RNF212B: variants seen among roughly 807,000 people sequenced by gnomAD.
RNF212B encodes E3 ubiquitin-protein ligase RNF212B.
RNF212B carries 52 observed loss-of-function variants against 55.5 expected under a neutral mutation model. The ratio of observed to expected loss-of-function variants is 0.94; its 90% CI spans 0.75 to 1.18. RNF212B has a LOEUF of 1.18. RNF212B is among the 50% of genes most tolerant of loss of function. The probability of loss-of-function intolerance (pLI) is 0.00; values close to 1 mark genes in which losing one functional copy is unlikely to be tolerated. For synonymous variants in RNF212B, 99 were observed against 121.4 expected (o/e 0.82, Z 1.21); for missense variants, 289 against 350.4 (o/e 0.82, Z 1.40).
intron 2 of RNF212B, among the ~76,000 whole-genome samples, chr14:23,226,866 C>A (rs974657457): frequency 7.2e-6 from 1 of 138,524 alleles, no homozygotes; most frequent in Non-Finnish European, 1.5e-5. Flanking sequence ...TGGTCTTGAA[C>A]TCCTGAGCTC....
intron 2 of RNF212B, among the ~76,000 whole-genome samples, chr14:23,227,327 A>G (rs1882126336): frequency 6.6e-6 from 1 of 152,174 alleles, no homozygotes; most frequent in East Asian, 1.9e-4. Flanking sequence ...ATTTTAAAAC[A>G]AAAAGTTACA....
At position 23,227,158 on chromosome 14, in the gene RNF212B, G is replaced by A. The variant is rs117991348; in HGVS notation, c.-1-13187G>A. Among the ~76,000 whole-genome samples the A allele has an allele frequency of 4.1e-3, 626 of 151,954 alleles. 5 individuals carry two copies. Among genetic ancestry groups the A allele is most frequent in the Non-Finnish European group, 6.4e-3 (438 of 67,984 alleles). On this transcript the variant is annotated intron_variant, in intron 2 of 15. Transcript: ENST00000399910. Reference sequence around the variant, plus strand: ...GAAATAAATGAGTCAAGGGTATATGGAACCTTTCTACACTACTTTTGGCAA... The same window carrying A: ...GAAATAAATGAGTCAAGGGTATATGAAACCTTTCTACACTACTTTTGGCAA...
chr14:23,232,948 T>C (rs1594909937), upstream of RNF212B, among the ~76,000 whole-genome samples: 1 of 151,848 alleles, frequency 6.6e-6, no homozygotes, highest in Non-Finnish European at 1.5e-5. Flanking sequence ...ATGACGATGG[T>C]GGTTTTGTGG....
At chr14:23,251,919 T>G (rs904362297) in intron 4 of RNF212B, among the ~76,000 whole-genome samples, 1 of 152,082 alleles carries the variant, frequency 6.6e-6, no homozygotes, top group African/African-American at 2.4e-5. Flanking sequence ...CCTCTCCAGA[T>G]GCACTACCCT....
chr14:23,240,325 T>C lies in RNF212B; in HGVS notation c.-1-20T>C. The C allele has an allele frequency of 6.7e-7, 1 of 1,490,662 alleles. No homozygotes were observed. Among genetic ancestry groups the C allele is most frequent in the Non-Finnish European group, 9.1e-7 (1 of 1,093,152 alleles). The allele number at this position is 1,490,662 out of a possible 1,614,324, so 92.3% of individuals were successfully genotyped here. On this transcript the variant is annotated intron_variant, in intron 1 of 14. Coordinates refer to ENST00000430154, the MANE Select transcript of RNF212B (RefSeq NM_001282322.3). ...GTTATTCTCTAGGTTATTCTTACTC[T>C]TTCTCTTTATCTGCTCCAGAATGGA...
chr14:23,251,378 G>T (rs1253135261), intron 4 of RNF212B, among the ~76,000 whole-genome samples: 1 of 152,176 alleles, frequency 6.6e-6, no homozygotes, highest in Non-Finnish European at 1.5e-5. Flanking sequence ...GGGTACCCAG[G>T]CTAAAATACT....
At chr14:23,198,337 T>C (rs1200991597) in intron 2 of RNF212B, among the ~76,000 whole-genome samples, 2 of 152,192 alleles carry the variant, frequency 1.3e-5, no homozygotes, top group Non-Finnish European at 2.9e-5. Flanking sequence ...TTCCTTGGTA[T>C]CAACTAATAT....
At chr14:23,240,482 T>A in intron 2 of RNF212B, 37 bp downstream of exon 2, 1 of 1,381,526 alleles carries the variant, frequency 7.2e-7, no homozygotes, top group Non-Finnish European at 1.0e-6. Flanking sequence ...CAGGGAAAAA[T>A]GTTTTCATGT....
chr14:23,204,892 C>A (rs1397038536), intron 2 of RNF212B, among the ~76,000 whole-genome samples: 1 of 152,072 alleles, frequency 6.6e-6, no homozygotes, highest in Non-Finnish European at 1.5e-5. Context: ...TCTATGATTT[C>A]TCTCAGCAGT....
intron 1 of RNF212B, 143 bp from the exon 2 acceptor site, chr14:23,240,202 C>T (rs1883466610): frequency 3.3e-6 from 2 of 599,768 alleles, no homozygotes; most frequent in Non-Finnish European, 5.9e-6. Flanking sequence ...TACTTCTTTA[C>T]AACCAATTGG....
intron 4 of RNF212B, among the ~76,000 whole-genome samples, chr14:23,252,797 C>G (rs1289612755): frequency 6.6e-6 from 1 of 152,072 alleles, no homozygotes; most frequent in East Asian, 1.9e-4. Context: ...TCTTAAGCAA[C>G]TTTTAAGCAA....
Position 23,215,876 on chromosome 14 carries a change from A to G in RNF212B, c.-2+22475A>G, listed in dbSNP as rs1055941913. Among the ~76,000 whole-genome samples, 4 of 152,356 alleles carry G rather than the reference A, an allele frequency of 2.6e-5. No homozygotes were observed. In the South Asian group the frequency reaches 6.2e-4, roughly 24 times the overall value. Reference sequence around the variant, plus strand: ...TCCATTCTTAGTGAGTTATCTAATTATGTTTCATATTGAATTACATTGACA... The same window carrying G: ...TCCATTCTTAGTGAGTTATCTAATTGTGTTTCATATTGAATTACATTGACA... On this transcript the variant is annotated intron_variant, in intron 2 of 15. Transcript: ENST00000399910.
chr14:23,215,332 T>G (rs1880960667), intron 2 of RNF212B, among the ~76,000 whole-genome samples: 1 of 152,188 alleles, frequency 6.6e-6, no homozygotes, highest in Non-Finnish European at 1.5e-5. Flanking sequence ...CCCAGTTCTT[T>G]ATAGCAGCAT....
At chr14:23,213,907 C>T (rs1467211950) in intron 2 of RNF212B, among the ~76,000 whole-genome samples, 1 of 152,186 alleles carries the variant, frequency 6.6e-6, no homozygotes. Context: ...TCAACAGGCA[C>T]TAACATTTCA....
chr14:23,209,214 AC>A (rs140610060), intron 2 of RNF212B, among the ~76,000 whole-genome samples: 7,404 of 152,144 alleles, frequency 0.049, 588 homozygotes, highest in African/African-American at 0.17. Context: ...AGTAAGGACG[AC>A]CAGAGGTCAC....
chr14:23,196,623 A>T (rs540404660), intron 2 of RNF212B, among the ~76,000 whole-genome samples: 1 of 152,160 alleles, frequency 6.6e-6, no homozygotes, highest in East Asian at 1.9e-4. Context: ...AAATATTTTT[A>T]TAGAGATGGG....
At chr14:23,234,433 T>A (rs116510179), upstream of RNF212B, among the ~76,000 whole-genome samples, 1,408 of 152,308 alleles carry the variant, frequency 9.2e-3, 17 homozygotes, top group African/African-American at 0.032. Flanking sequence ...GTATTTACTA[T>A]TATTTTCGTC....
At chr14:23,199,895 T>A (rs2140367169) in intron 2 of RNF212B, among the ~76,000 whole-genome samples, 1 of 151,536 alleles carries the variant, frequency 6.6e-6, no homozygotes, top group South Asian at 2.1e-4. Flanking sequence ...CAGTGACTCC[T>A]AATTAGGAAA....
intron 11 of RNF212B, 98 bp downstream of exon 11, chr14:23,264,769 G>GT (rs59984693): frequency 7.3e-3 from 3,752 of 512,040 alleles, no homozygotes; most frequent in East Asian, 0.011. Context: ...CATTTCACTT[G>GT]TTTTTTTTTC....
Sources: gnomAD v4.1 joint callset for allele counts (sites outside exome capture counted in the v4.1 genomes callset) on GRCh38, gnomAD v4.1.1 for gene constraint, MANE v1.5 for transcripts, NCBI Gene and HGNC (gene_info 2026-07-23, HGNC 2026-07-21) for gene names.